The following KLHL32 variants were observed in gnomAD, a reference collection of about 807,000 sequenced individuals.
KLHL32 encodes kelch-like protein 32.
In KLHL32, 35 loss-of-function variants were observed where a neutral mutation model predicts 64.8. The ratio of observed to expected loss-of-function variants is 0.54; its 90% CI spans 0.41 to 0.72. The LOEUF (loss-of-function observed/expected upper bound fraction) is 0.72. KLHL32 is among the 30% of genes least tolerant of loss of function. The pLI, the probability that KLHL32 is intolerant of heterozygous loss-of-function variation, is 0.00. For synonymous variants in KLHL32, 259 were observed against 281.0 expected, an observed-to-expected ratio of 0.92 and a Z score of 0.78; for missense variants, 589 against 768.5, an observed-to-expected ratio of 0.77 and a Z score of 2.76.
At chr6:97,132,796 G>T (rs111287491) in intron 10 of KLHL32, 49 bp downstream of exon 10, 1 of 1,336,900 alleles carries the variant, frequency 7.5e-7, no homozygotes, top group Admixed American at 2.0e-5. Context: ...GTTCAGCGAG[G>T]TTACATTTTG....
chr6:96,985,991 A>G lies in KLHL32; in HGVS notation c.204+9814A>G, dbSNP rs140090799. Among the ~76,000 whole-genome samples the G allele has an allele frequency of 7.2e-3, 1,087 of 151,858 alleles. 26 individuals carry two copies. The highest frequency in any genetic ancestry group is 0.025 in the African/African-American group (1,040 of 41,394). ...AGCTTCTCTGCTCTGTTTTTTCCCT[A>G]TCTTTGTGGATTTATCTACCTTTGG... On this transcript the variant is annotated intron_variant, in intron 3 of 10. Coordinates refer to ENST00000369261, the MANE Select transcript of KLHL32 (RefSeq NM_052904.4).
chr6:97,033,705 G>T (rs1375166167), intron 3 of KLHL32, among the ~76,000 whole-genome samples: 7 of 151,778 alleles, frequency 4.6e-5, no homozygotes, highest in Non-Finnish European at 1.0e-4. Flanking sequence ...TGTCTTTTTG[G>T]TAATAATTAT....
At chr6:97,024,796 G>A (rs1435794038) in intron 3 of KLHL32, among the ~76,000 whole-genome samples, 1 of 152,080 alleles carries the variant, frequency 6.6e-6, no homozygotes, top group African/African-American at 2.4e-5. Context: ...TAGTTTTAAA[G>A]TAATAATAAT....
rs1486453517 is a variant in KLHL32 at position 97,136,016 on chromosome 6, GA to G, written c.1702-3099del. Among the ~76,000 whole-genome samples the G allele has an allele frequency of 3.3e-5, 5 of 152,216 alleles. No individual in the cohort carries two copies. In the South Asian group the frequency reaches 6.2e-4, roughly 19 times the overall value. On this transcript the variant is annotated intron_variant, in intron 10 of 10. Transcript: ENST00000369261. ...TTGAGAAGTACAGAAGCATAGTGGG[GA>G]AAAAATCATATGCATACTAAAAATA... is the stretch of plus-strand genomic sequence containing the variant.
At chr6:96,973,438 T>C (rs149750124) in intron 2 of KLHL32, among the ~76,000 whole-genome samples, 134 of 152,328 alleles carry the variant, frequency 8.8e-4, no homozygotes, top group African/African-American at 3.2e-3. Flanking sequence ...TTATTTAACA[T>C]TTAAGGTGAT....
chr6:97,027,173 A>AT (rs541489855), intron 3 of KLHL32, among the ~76,000 whole-genome samples: 1,638 of 151,964 alleles, frequency 0.011, 20 homozygotes, highest in Non-Finnish European at 0.017. Context: ...AAAAAAAAAA[A>AT]AAAAGAAAAA....
At chr6:96,916,066 A>G in the KLHL32 span, among the ~76,000 whole-genome samples, 1 of 152,226 alleles carries the variant, frequency 6.6e-6, no homozygotes, top group Non-Finnish European at 1.5e-5. Context: ...GAATCACAGC[A>G]GATTCAGAGA....
At chr6:96,963,715 T>C (rs1774123514) in intron 1 of KLHL32, among the ~76,000 whole-genome samples, 1 of 152,254 alleles carries the variant, frequency 6.6e-6, no homozygotes, top group Admixed American at 6.5e-5. Context: ...TTATTAACTA[T>C]TTTTATACAT....
In KLHL32 at chr6:97,133,767, A is replaced by T. The variant is rs74727494; in HGVS notation, c.1701+1020A>T. Among the ~76,000 whole-genome samples, 1,405 of 152,270 alleles carry T rather than the reference A, an allele frequency of 9.2e-3. 22 individuals carry two copies. Among genetic ancestry groups the T allele is most frequent in the African/African-American group, 0.031 (1,282 of 41,540 alleles). ...GTACTTCTATTATTCATATAGATGA[A>T]GTTAAAAAAGTCAGCAAGGGTAAGG... On this transcript the variant is annotated intron_variant, in intron 10 of 10. Coordinates refer to ENST00000369261, the MANE Select transcript of KLHL32 (RefSeq NM_052904.4).
At chr6:97,135,397 C>T (rs1266461587) in intron 10 of KLHL32, among the ~76,000 whole-genome samples, 1 of 150,528 alleles carries the variant, frequency 6.6e-6, no homozygotes, top group Non-Finnish European at 1.5e-5. Context: ...CTTCTGCCTC[C>T]TGGGTTCAAG....
chr6:97,014,187 G>C (rs1472505857), intron 3 of KLHL32, among the ~76,000 whole-genome samples: 1 of 151,892 alleles, frequency 6.6e-6, no homozygotes, highest in Non-Finnish European at 1.5e-5. Context: ...GCAGCTACTC[G>C]GAGAGGCTGA....
intron 3 of KLHL32, among the ~76,000 whole-genome samples, chr6:96,984,626 A>T (rs1776768817): frequency 6.6e-6 from 1 of 152,246 alleles, no homozygotes; most frequent in East Asian, 1.9e-4. Flanking sequence ...TTTACCATTA[A>T]GTAATGGCCT....
chr6:96,944,991 C>G (rs895409923), intron 1 of KLHL32, among the ~76,000 whole-genome samples: 1 of 152,144 alleles, frequency 6.6e-6, no homozygotes, highest in African/African-American at 2.4e-5. Flanking sequence ...ACGTTGACAA[C>G]TCTTTATTTT....
the KLHL32 span, among the ~76,000 whole-genome samples, chr6:96,910,154 C>T: frequency 1.2e-3 from 176 of 152,304 alleles, 1 homozygote; most frequent in African/African-American, 4.1e-3. Flanking sequence ...ACCTGCAACA[C>T]ACCCTATTTT....
At chr6:96,936,454 T>C (rs1770611884) in intron 1 of KLHL32, among the ~76,000 whole-genome samples, 1 of 152,220 alleles carries the variant, frequency 6.6e-6, no homozygotes, top group Admixed American at 6.5e-5. Flanking sequence ...TCTCCATTTT[T>C]GGTTGTTCAG....
chr6:97,060,498 A>T (rs1200824328), intron 4 of KLHL32, among the ~76,000 whole-genome samples: 1 of 152,144 alleles, frequency 6.6e-6, no homozygotes, highest in African/African-American at 2.4e-5. Context: ...GTGGGCACTG[A>T]CTGAGGTGGC....
At position 97,130,070 on chromosome 6, in the gene KLHL32, G is replaced by A. The variant is rs75054798; in HGVS notation, c.1414-687G>A. 3.3e-3 allele frequency among the ~76,000 whole-genome samples: 501 copies of A among 152,226 alleles called. 3 individuals carry two copies. The highest frequency in any genetic ancestry group is 0.011 in the African/African-American group (474 of 41,548). The stretch of plus-strand genomic sequence containing the variant: ...CTTAGCTCTTCCACTGATCTCAGGA[G>A]GTTAATTTTGGAAAGAACAGCAAAA... On this transcript the variant is annotated intron_variant, in intron 8 of 10. Transcript: ENST00000369261.
intron 1 of KLHL32, among the ~76,000 whole-genome samples, chr6:96,930,166 A>T (rs750212537): frequency 7.2e-5 from 11 of 152,324 alleles, no homozygotes; most frequent in Non-Finnish European, 1.5e-4. Flanking sequence ...AACATATTTG[A>T]TGCTAATGGC....
chr6:97,074,295 G>A (rs1310684919), intron 5 of KLHL32, among the ~76,000 whole-genome samples: 3 of 152,288 alleles, frequency 2.0e-5, no homozygotes, highest in African/African-American at 7.2e-5. Flanking sequence ...TTTGAGGGAT[G>A]CTGATGTCTG....
Sources: allele counts gnomAD v4.1 joint callset (sites outside exome capture counted in the v4.1 genomes callset), GRCh38; gene constraint gnomAD v4.1.1; transcripts MANE v1.5; gene names NCBI Gene and HGNC (gene_info 2026-07-23, HGNC 2026-07-21).